KIAA0930: variants seen among roughly 807,000 people sequenced by gnomAD.
The protein encoded by KIAA0930 is KIAA0930.
A neutral mutation model predicts 43.9 loss-of-function variants in KIAA0930; 24 were observed. The observed-to-expected ratio is 0.55, with a 90% confidence interval of 0.40 to 0.77. The LOEUF (loss-of-function observed/expected upper bound fraction) is 0.77. Ranked by LOEUF, KIAA0930 falls within the 30% of genes least tolerant of loss-of-function variation. KIAA0930 has a pLI of 0.00. For missense variants in KIAA0930, 461 were observed against 574.2 expected (o/e 0.80, Z 2.02); for synonymous variants, 259 against 216.4 (o/e 1.20, Z -1.73).
intron 9 of KIAA0930, among the ~76,000 whole-genome samples, chr22:45,197,449 G>C (rs1429533643): frequency 6.6e-6 from 1 of 152,206 alleles, no homozygotes; most frequent in Non-Finnish European, 1.5e-5. Flanking sequence ...GCTGGTGTGG[G>C]GGCCAGAGCC....
chr22:45,217,324 G>C, intron 1 of KIAA0930, among the ~76,000 whole-genome samples: 1 of 125,510 alleles, frequency 8.0e-6, no homozygotes. Context: ...TCACGCCACT[G>C]CACTCTAGCC....
chr22:45,237,231 T>G (rs1166257926), intron 1 of KIAA0930, among the ~76,000 whole-genome samples: 1 of 152,254 alleles, frequency 6.6e-6, no homozygotes, highest in Non-Finnish European at 1.5e-5. Context: ...ACCAAAATCT[T>G]GCTCCGGGCA....
At chr22:45,213,399 GGTCTGGGTCAGCGAGCCTT>G in intron 1 of KIAA0930, 1 of 1,302,210 alleles carries the variant, frequency 7.7e-7, no homozygotes, top group Admixed American at 2.3e-5. Flanking sequence ...CATCGGTGAG[GGTCTGGGTCAGCGAGCCTT>G]GTCAGCCTCC....
At chr22:45,205,139 A>G (rs2083624691) in intron 5 of KIAA0930, 78 bp downstream of exon 5, 3 of 1,219,618 alleles carry the variant, frequency 2.5e-6, no homozygotes, top group East Asian at 2.3e-5. Context: ...CTGCAAGGCT[A>G]AGGCCGCGGG....
intron 7 of KIAA0930, 160 bp from the exon 8 acceptor site, chr22:45,200,195 G>T: frequency 1.6e-6 from 1 of 630,002 alleles, no homozygotes; most frequent in Non-Finnish European, 2.5e-6. Flanking sequence ...TGCTAGGTGG[G>T]GCCTAGAGAC....
chr22:45,198,595 C>T (rs2083558029), intron 8 of KIAA0930, among the ~76,000 whole-genome samples: 1 of 152,208 alleles, frequency 6.6e-6, no homozygotes. Context: ...ATGCTGCAGC[C>T]CTGCTCCCTG....
At chr22:45,203,478 C>T (rs1028831747) in intron 6 of KIAA0930, among the ~76,000 whole-genome samples, 1 of 152,122 alleles carries the variant, frequency 6.6e-6, no homozygotes, top group African/African-American at 2.4e-5. Flanking sequence ...GGCCTGCCCA[C>T]ATCTGCTTGC....
At chr22:45,231,023 TG>T (rs1278274912) in intron 1 of KIAA0930, among the ~76,000 whole-genome samples, 1 of 151,950 alleles carries the variant, frequency 6.6e-6, no homozygotes, top group Non-Finnish European at 1.5e-5. Context: ...CTGAGGCAGA[TG>T]GATCACCTGA....
At chr22:45,200,992 G>A (rs962879780) in intron 7 of KIAA0930, 1 of 531,106 alleles carries the variant, frequency 1.9e-6, no homozygotes, top group Non-Finnish European at 3.9e-6. Flanking sequence ...CAGCCAGAGG[G>A]AACTTGGCCC....
At chr22:45,210,952 CT>C (rs944758797) in intron 2 of KIAA0930, among the ~76,000 whole-genome samples, 6 of 152,354 alleles carry the variant, frequency 3.9e-5, no homozygotes, top group African/African-American at 1.4e-4. Context: ...GTGCCCTCCC[CT>C]CTCCTGGCTC....
At chr22:45,210,354 C>A (rs556912691) in intron 2 of KIAA0930, among the ~76,000 whole-genome samples, 2 of 152,258 alleles carry the variant, frequency 1.3e-5, no homozygotes, top group Admixed American at 1.3e-4. Flanking sequence ...GAGTCCCTCC[C>A]CCAGAACTGT....
rs2083498077 is a variant in KIAA0930, at chr22:45,192,503, A to C, written c.*4673T>G. The C allele has an allele frequency of 6.6e-6, 1 of 152,240 alleles. No individual in the cohort carries two copies. Among genetic ancestry groups the C allele is most frequent in the East Asian group, 1.9e-4 (1 of 5,198 alleles). 9.4% of individuals were successfully genotyped at this position (152,240 alleles called of 1,614,324 possible). On this transcript the variant is annotated 3_prime_UTR_variant, in exon 10 of 10. Coordinates refer to ENST00000336156, the MANE Select transcript of KIAA0930 (RefSeq NM_001009880.2). ...GTAGAAGTCATAATTCATAGTGAAG[A>C]ATCTCAACAGGTTTTCTTACAGATT...
chr22:45,213,137 G>T (rs2083708951), intron 1 of KIAA0930, among the ~76,000 whole-genome samples: 1 of 152,142 alleles, frequency 6.6e-6, no homozygotes, highest in Non-Finnish European at 1.5e-5. Flanking sequence ...TCACAGGCAG[G>T]CCAGTGGGCT....
In KIAA0930 at chr22:45,197,108, C is replaced by T; in HGVS notation, c.*68G>A. 3.8e-6 allele frequency: 5 copies of T among 1,331,956 alleles called. No homozygotes were observed. Among genetic ancestry groups the T allele is most frequent in the Non-Finnish European group, 5.1e-6 (5 of 985,584 alleles). 82.5% of individuals were successfully genotyped at this position (1,331,956 alleles called of 1,614,324 possible). ...CATCGCAGACCCCGGTGGCGGTGGACAGGTAGGCACTTGGCAGCACTCCGA... is the reference window on the plus strand; with the variant it reads ...CATCGCAGACCCCGGTGGCGGTGGATAGGTAGGCACTTGGCAGCACTCCGA... On this transcript the variant is annotated 3_prime_UTR_variant, in exon 10 of 10. Coordinates refer to ENST00000336156, the MANE Select transcript of KIAA0930 (RefSeq NM_001009880.2).
chr22:45,235,936 C>T (rs6006954), intron 1 of KIAA0930, among the ~76,000 whole-genome samples: 1,758 of 152,318 alleles, frequency 0.012, 47 homozygotes, highest in East Asian at 0.11. Flanking sequence ...AAAGTGATGG[C>T]GGGTTGGGGG....
At chr22:45,200,434 G>A (rs577503468) in intron 7 of KIAA0930, among the ~76,000 whole-genome samples, 20 of 152,110 alleles carry the variant, frequency 1.3e-4, no homozygotes, top group Admixed American at 4.6e-4. Flanking sequence ...AGGGGCTAGC[G>A]TCAGCCCATC....
At chr22:45,215,498 T>C (rs1601818751) in intron 1 of KIAA0930, among the ~76,000 whole-genome samples, 1 of 152,158 alleles carries the variant, frequency 6.6e-6, no homozygotes, top group Non-Finnish European at 1.5e-5. Context: ...GAAAAAATAA[T>C]ATAACAGCAA....
chr22:45,208,921 C>T (rs553197322), intron 2 of KIAA0930, among the ~76,000 whole-genome samples: 2 of 152,300 alleles, frequency 1.3e-5, no homozygotes, highest in African/African-American at 4.8e-5. Flanking sequence ...AGGGCTCCGG[C>T]CACCAGCGCA....
intron 1 of KIAA0930, among the ~76,000 whole-genome samples, chr22:45,232,870 G>T (rs2083862966): frequency 1.3e-5 from 2 of 152,184 alleles, no homozygotes; most frequent in Non-Finnish European, 2.9e-5. Context: ...TTTCCCTGAT[G>T]TGCAGAGTTC....
Sources: gnomAD v4.1 joint callset for allele counts (sites outside exome capture counted in the v4.1 genomes callset) on GRCh38, gnomAD v4.1.1 for gene constraint, MANE v1.5 for transcripts, NCBI Gene and HGNC (gene_info 2026-07-23, HGNC 2026-07-21) for gene names.